The following ZBBX variants were observed in gnomAD, a reference collection of about 807,000 sequenced individuals.
ZBBX encodes the protein zinc finger B-box domain-containing protein 1.
ZBBX carries 101 observed loss-of-function variants against 108.5 expected under a neutral mutation model. The observed-to-expected ratio is 0.93, with a 90% CI of 0.79 to 1.10. ZBBX has a LOEUF of 1.10. Among genes scored for constraint, ZBBX ranks in the 50% least tolerant of loss-of-function variants. The pLI is 0.00. For synonymous variants in ZBBX, 356 were observed against 323.4 expected (o/e 1.10, Z -1.08); for missense variants, 1,009 against 941.4 (o/e 1.07, Z -0.94).
chr3:167,203,853 C>T, the ZBBX span, among the ~76,000 whole-genome samples: 1 of 152,082 alleles, frequency 6.6e-6, no homozygotes. Context: ...AGGTTATTTT[C>T]CTTGTAACCC....
rs1239461709 is a variant in ZBBX at position 167,282,406 on chromosome 3, G to A, written c.2086C>T (p.Arg696Ter). ...SSSCLSSSHP[R>*]SRSAAAQSSS... ...GATTGAGCAGCTGCACTTCTTGATC[G>A]AGGATGAGAGGATGAAAGGCAACTG... The change falls in exon 20 of 22, where the codon CGA (arginine) becomes TGA (stop). Residue 696 changes from arginine to a stop codon, truncating the protein, a stop_gained. Coordinates refer to ENST00000675490, the MANE Select transcript of ZBBX (RefSeq NM_001199201.2). LOFTEE classifies it high-confidence loss of function. 16 of 1,613,952 alleles carry A rather than the reference G, an allele frequency of 9.9e-6. No individual in the cohort carries two copies. Among genetic ancestry groups the A allele is most frequent in the African/African-American group, 6.7e-5 (5 of 74,912 alleles).
rs148681601 is a variant in ZBBX at position 167,356,354 on chromosome 3, A to G, written c.432+3516T>C. Among the ~76,000 whole-genome samples the G allele has an allele frequency of 5.3e-3, 809 of 152,182 alleles. 6 individuals are homozygous for G. Among genetic ancestry groups the G allele is most frequent in the Non-Finnish European group, 8.8e-3 (598 of 67,950 alleles). On this transcript the variant is annotated intron_variant, in intron 8 of 21. Coordinates refer to ENST00000675490, the MANE Select transcript of ZBBX (RefSeq NM_001199201.2). ...CTACTACCAAGAGCGGGGGTTTTACATTTAATATTGTTATTAGCTCTTTAT... is the reference window on the plus strand; with the variant it reads ...CTACTACCAAGAGCGGGGGTTTTACGTTTAATATTGTTATTAGCTCTTTAT...
At chr3:167,291,965 T>C (rs1439128502) in intron 18 of ZBBX, among the ~76,000 whole-genome samples, 1 of 152,100 alleles carries the variant, frequency 6.6e-6, no homozygotes, top group Non-Finnish European at 1.5e-5. Flanking sequence ...GAAGAAGCCA[T>C]TACATAATGG....
In ZBBX at chr3:167,372,862, G is replaced by GT; in HGVS notation, c.39dup (p.Pro14ThrfsTer10). 2 of 1,595,638 alleles carry GT rather than the reference G, an allele frequency of 1.3e-6. No individual in the cohort carries two copies. The highest frequency in any genetic ancestry group is 2.3e-5 in the South Asian group (2 of 88,710). ...TATTTTAGCTTTACAGAATTTCCAG[G>GT]TTTTCCCCATGGAAGAACTACAAAA... is the stretch of plus-strand genomic sequence containing the variant. On this transcript the variant is annotated frameshift_variant, in exon 4 of 22. Transcript: ENST00000675490. LOFTEE classifies it high-confidence loss of function.
intron 6 of ZBBX, among the ~76,000 whole-genome samples, chr3:167,361,943 T>C (rs1416444828): frequency 6.6e-6 from 1 of 152,182 alleles, no homozygotes; most frequent in Admixed American, 6.6e-5. Flanking sequence ...TTATGAATAA[T>C]ATTGTTCTGC....
intron 1 of ZBBX, chr3:167,399,444 T>C (rs1748348725): frequency 6.6e-6 from 1 of 152,142 alleles, no homozygotes; most frequent in African/African-American, 2.4e-5. Context: ...TGCACTCTGG[T>C]GCTAGAGGTA....
the ZBBX span, among the ~76,000 whole-genome samples, chr3:167,210,182 C>T: frequency 6.6e-6 from 1 of 151,966 alleles, no homozygotes; most frequent in South Asian, 2.1e-4. Context: ...AGAATACTAT[C>T]AGATAAATTT....
intron 20 of ZBBX, among the ~76,000 whole-genome samples, chr3:167,281,281 A>G (rs888835042): frequency 6.6e-6 from 1 of 152,298 alleles, no homozygotes; most frequent in South Asian, 2.1e-4. Flanking sequence ...TAAGTAAAAA[A>G]TGATTCTCAC....
At chr3:167,274,137 C>T (rs1193795276) in intron 20 of ZBBX, among the ~76,000 whole-genome samples, 1 of 152,140 alleles carries the variant, frequency 6.6e-6, no homozygotes, top group Non-Finnish European at 1.5e-5. Context: ...AATACTGCCC[C>T]CGACAGAAGC....
At chr3:167,307,358 C>G (rs1010990912) in intron 16 of ZBBX, among the ~76,000 whole-genome samples, 6 of 152,092 alleles carry the variant, frequency 3.9e-5, no homozygotes, top group Admixed American at 6.5e-5. Context: ...CTACATGATG[C>G]TAAATCCAGA....
chr3:167,199,335 T>G, the ZBBX span, among the ~76,000 whole-genome samples: 1 of 152,166 alleles, frequency 6.6e-6, no homozygotes, highest in Non-Finnish European at 1.5e-5. Flanking sequence ...TTGTCAAGTA[T>G]ATCAGCTGCA....
chr3:167,191,701 G>A, the ZBBX span, among the ~76,000 whole-genome samples: 2 of 151,720 alleles, frequency 1.3e-5, no homozygotes, highest in Admixed American at 1.3e-4. Flanking sequence ...CTTCTGCCCA[G>A]TCTCTGGTAT....
chr3:167,240,679 A>G lies in ZBBX; in HGVS notation c.*114T>C, dbSNP rs1720514479. The G allele has an allele frequency of 7.8e-7, 1 of 1,278,876 alleles. No individual in the cohort carries two copies. The highest frequency in any genetic ancestry group is 1.1e-6 in the Non-Finnish European group (1 of 931,232). 79.2% of individuals were successfully genotyped at this position (1,278,876 alleles called of 1,614,324 possible). A position where few individuals can be genotyped will look rare whatever the true frequency, so the allele number is the denominator to read the frequency against. On this transcript the variant is annotated 3_prime_UTR_variant, in exon 22 of 22. Coordinates refer to ENST00000675490, the MANE Select transcript of ZBBX (RefSeq NM_001199201.2). ...ATTAGTTTGTAGCCTTGAAACATCA[A>G]AGACATTAGTAATCAAAATCTCCAG...
intron 15 of ZBBX, among the ~76,000 whole-genome samples, chr3:167,314,470 T>G (rs1735103085): frequency 6.6e-6 from 1 of 152,182 alleles, no homozygotes; most frequent in Admixed American, 6.5e-5. Flanking sequence ...AAGGCTTTAC[T>G]ACTAGATAAA....
chr3:167,387,078 C>A (rs528965935), intron 1 of ZBBX, among the ~76,000 whole-genome samples: 7 of 152,042 alleles, frequency 4.6e-5, no homozygotes, highest in Non-Finnish European at 8.8e-5. Context: ...CATTCTTATG[C>A]CCATTGTGAG....
chr3:167,371,955 T>C (rs1454631442), intron 4 of ZBBX, among the ~76,000 whole-genome samples: 2 of 152,202 alleles, frequency 1.3e-5, no homozygotes, highest in African/African-American at 4.8e-5. Flanking sequence ...GGCTCACACT[T>C]GTAATCCCAG....
rs1738409680 is a variant in ZBBX, at chr3:167,330,876, GA to G, written c.688-2761del. Among the ~76,000 whole-genome samples the G allele has an allele frequency of 7.8e-4, 88 of 113,340 alleles. 1 individual carries two copies. Among genetic ancestry groups the G allele is most frequent in the Non-Finnish European group, 1.0e-3 (54 of 53,128 alleles). 74.4% of individuals were successfully genotyped at this position (113,340 alleles called of 152,430 possible). On this transcript the variant is annotated intron_variant, in intron 10 of 21. Coordinates refer to ENST00000675490, the MANE Select transcript of ZBBX (RefSeq NM_001199201.2). ...AGGAGGAGGAGGAGGAGGAGGAGAA[GA>G]AGAAGAAGAAGAAGAAGAAGAAGAA... is the stretch of plus-strand genomic sequence containing the variant.
At chr3:167,379,109 ACCCTACGG>A (rs1747420764) in intron 2 of ZBBX, among the ~76,000 whole-genome samples, 4 of 151,968 alleles carry the variant, frequency 2.6e-5, no homozygotes, top group African/African-American at 9.7e-5. Flanking sequence ...TGCACAACCT[ACCCTACGG>A]AAAAAATTAA....
At chr3:167,273,290 A>G (rs1726869196) in intron 20 of ZBBX, among the ~76,000 whole-genome samples, 1 of 152,218 alleles carries the variant, frequency 6.6e-6, no homozygotes, top group Non-Finnish European at 1.5e-5. Context: ...AAATAAAAGC[A>G]ATTGTTATGC....
Sources: gnomAD v4.1 joint callset for allele counts (sites outside exome capture counted in the v4.1 genomes callset) on GRCh38, gnomAD v4.1.1 for gene constraint, MANE v1.5 for transcripts, NCBI Gene and HGNC (gene_info 2026-07-23, HGNC 2026-07-21) for gene names.